The following DNHD1 variants were observed in gnomAD, a reference collection of about 807,000 sequenced individuals.
The protein encoded by DNHD1 is dynein heavy chain domain-containing protein 1.
DNHD1 carries 383 observed loss-of-function variants against 458.1 expected under a neutral mutation model. The observed-to-expected ratio is 0.84, with a 90% CI of 0.77 to 0.91. DNHD1 has a LOEUF of 0.91. Among genes scored for constraint, DNHD1 ranks in the 40% least tolerant of loss-of-function variants. The probability of loss-of-function intolerance (pLI) is 0.00; values close to 1 mark genes in which losing one functional copy is unlikely to be tolerated. For synonymous variants in DNHD1, 2,203 were observed against 2,376.9 expected, an observed-to-expected ratio of 0.93 and a Z score of 2.13; for missense variants, 5,336 against 5,866.1, an observed-to-expected ratio of 0.91 and a Z score of 2.95.
chr11:6,518,232 T>C (rs1852530024), intron 7 of DNHD1, among the ~76,000 whole-genome samples: 1 of 152,160 alleles, frequency 6.6e-6, no homozygotes, highest in Admixed American at 6.5e-5. Context: ...GGCTAATTTT[T>C]TGTATTTTTT....
chr11:6,519,984 TTCTC>T lies in DNHD1; in HGVS notation c.1670_1673del (p.Leu557HisfsTer21). The T allele has an allele frequency of 2.5e-6, 4 of 1,614,176 alleles. No individual in the cohort carries two copies. Among genetic ancestry groups the T allele is most frequent in the Non-Finnish European group, 3.4e-6 (4 of 1,180,012 alleles). On this transcript the variant is annotated frameshift_variant, in exon 9 of 43. Coordinates refer to ENST00000254579, the MANE Select transcript of DNHD1 (RefSeq NM_144666.3). LOFTEE classifies it high-confidence loss of function. ...TTACAGGCCCCAAGGCAGAAACCCT[TTCTC>T]TCATCACAGCTGGTCTTTGATGATC...
chr11:6,542,868 T>G (rs1853127877), intron 18 of DNHD1, among the ~76,000 whole-genome samples: 1 of 152,254 alleles, frequency 6.6e-6, no homozygotes, highest in African/African-American at 2.4e-5. Context: ...TGTATCATGT[T>G]GGCAGACACA....
At position 6,567,321 on chromosome 11, in the gene DNHD1, G is replaced by T; in HGVS notation, c.11812G>T (p.Gly3938Cys). 2 of 1,614,052 alleles carry T rather than the reference G, an allele frequency of 1.2e-6. No individual in the cohort carries two copies. Among genetic ancestry groups the T allele is most frequent in the Non-Finnish European group, 1.7e-6 (2 of 1,179,904 alleles). ...CCAAGTACCCTTGGTGGGTGCATTG[G>T]GCGCTTTGGCTCTGCTGCAAGCAAC... ...LTQVPLVGAL[G>C]ALALLQATGK... Residue 3938 changes from glycine (G) to cysteine (C), a missense_variant, in exon 36 of 43, where the codon GGC becomes TGC. Physicochemically the swap from Gly to Cys is radical, Grantham distance 159. Around this residue, in one of 4 missense-constraint regions of DNHD1, gnomAD observed 695 missense variants for 804.2 expected, o/e 0.86. Transcript: ENST00000254579.
At chr11:6,544,521 AG>A in intron 19 of DNHD1, 52 bp from the exon 20 acceptor site, 1 of 1,440,680 alleles carries the variant, frequency 6.9e-7, no homozygotes, top group Non-Finnish European at 9.5e-7. Context: ...ACTCCCCTGC[AG>A]AAGGTAGAAC....
At chr11:6,527,952 C>A (rs1852743540) in intron 10 of DNHD1, among the ~76,000 whole-genome samples, 1 of 152,222 alleles carries the variant, frequency 6.6e-6, no homozygotes, top group Admixed American at 6.5e-5. Context: ...AGCAACTCCT[C>A]TGTTCTGCAG....
At chr11:6,499,863 G>A (rs944469757) in intron 3 of DNHD1, among the ~76,000 whole-genome samples, 1 of 151,690 alleles carries the variant, frequency 6.6e-6, no homozygotes, top group African/African-American at 2.4e-5. Flanking sequence ...ACTGCGCCCG[G>A]CCCTATTGTT....
Position 6,567,390 on chromosome 11 carries a change from C to G in DNHD1, c.11881C>G (p.Leu3961Val), listed in dbSNP as rs1259652043. The G allele has an allele frequency of 1.9e-6, 3 of 1,613,606 alleles. No homozygotes were observed. The East Asian group carries it at 6.7e-5, about 36-fold the overall frequency. Residue 3961 changes from leucine to valine, a missense_variant, in exon 36 of 43, where the codon CTA becomes GTA. Transcript: ENST00000254579. ...GGAAAGACTGGCACTCTGGCCTGGA[C>G]TAGCAGCCTCTCCCAGCACAGTCCA... is the stretch of plus-strand genomic sequence containing the variant. Reference protein sequence around the residue: ...ELERLALWPGLAASPSTVHSK... With the variant: ...ELERLALWPGVAASPSTVHSK...
rs1853757709 is a variant in DNHD1, at chr11:6,568,332, C to T, written c.12538+90C>T. 6 of 1,551,912 alleles carry T rather than the reference C, an allele frequency of 3.9e-6. No individual in the cohort carries two copies. In the East Asian group the frequency reaches 1.4e-4, roughly 36 times the overall value. ...TCAGGCCTCATGGCCAGTGACCTAG[C>T]ACCAAACTTGTCCACTTGGCCTTGT... On this transcript the variant is annotated intron_variant, in intron 37 of 42. Coordinates refer to ENST00000254579, the MANE Select transcript of DNHD1 (RefSeq NM_144666.3).
At position 6,538,632 on chromosome 11, in the gene DNHD1, G is replaced by A; in HGVS notation, c.3147G>A (p.Gln1049=). 1 of 1,545,716 alleles carries A rather than the reference G, an allele frequency of 6.5e-7. No individual in the cohort carries two copies. Among genetic ancestry groups the A allele is most frequent in the Non-Finnish European group, 8.7e-7 (1 of 1,142,874 alleles). Residue 1049 remains glutamine, a synonymous_variant, in exon 16 of 43, where the codon CAG becomes CAA. Coordinates refer to ENST00000254579, the MANE Select transcript of DNHD1 (RefSeq NM_144666.3). ...AFAKFSPAMA[Q]EKTEGWLTEA... ...TGCAGTTCAGCCCAGCTATGGCCCA[G>A]GAGAAGACAGAGGGCTGGCTGACAG...
chr11:6,554,375 G>GA (rs1853418391), intron 24 of DNHD1, among the ~76,000 whole-genome samples: 1 of 151,846 alleles, frequency 6.6e-6, no homozygotes, highest in Non-Finnish European at 1.5e-5. Context: ...AAAATTTTTA[G>GA]AAAAAAATTG....
chr11:6,558,968 A>G lies in DNHD1; in HGVS notation c.9278A>G (p.His3093Arg). The G allele has an allele frequency of 1.3e-6, 2 of 1,551,474 alleles. No homozygotes were observed. The highest frequency in any genetic ancestry group is 2.4e-5 in the East Asian group (1 of 40,902). The change falls in exon 27 of 43, where the codon CAC (histidine) becomes CGC (arginine). Residue 3093 changes from histidine (H) to arginine (R), a missense_variant. His to Arg is a conservative substitution (Grantham distance 29, BLOSUM62 0). Coordinates refer to ENST00000254579, the MANE Select transcript of DNHD1 (RefSeq NM_144666.3). ...PSVAKAMALI[H>R]LSATHYHEHL... The stretch of plus-strand genomic sequence containing the variant: ...GTGGCCAAAGCCATGGCTCTTATCC[A>G]CCTTTCGGCCACCCACTACCATGAG...
Position 6,546,292 on chromosome 11 carries a change from C to T in DNHD1, c.5353C>T (p.Leu1785Phe). The T allele has an allele frequency of 6.4e-6, 10 of 1,552,426 alleles. No homozygotes were observed. The highest frequency in any genetic ancestry group is 7.8e-6 in the Non-Finnish European group (9 of 1,147,156). Residue 1785 changes from leucine (L) to phenylalanine (F), a missense_variant, in exon 21 of 43, where the codon CTT (leucine) becomes TTT (phenylalanine). By Grantham distance (22) the Leu-to-Phe change is conservative. Transcript: ENST00000254579. ...STIDPTQPQL[L>F]GSSFFEKHHV... is the part of the protein sequence containing the mutation. ...CATAGACCCCACCCAGCCCCAGCTC[C>T]TTGGCAGTAGCTTCTTTGAAAAACA...
intron 10 of DNHD1, among the ~76,000 whole-genome samples, chr11:6,526,397 G>A (rs1852712329): frequency 6.6e-6 from 1 of 151,692 alleles, no homozygotes; most frequent in South Asian, 2.1e-4. Flanking sequence ...TTTTGCTCTG[G>A]TTTTTGACAT....
rs149040105 is a variant in DNHD1 at position 6,568,453 on chromosome 11, G to A, written c.12539-1G>A. 2.4e-4 allele frequency: 393 copies of A among 1,613,310 alleles called. No individual in the cohort carries two copies. In the African/African-American group the frequency reaches 4.2e-3, roughly 17 times the overall value. On this transcript the variant is annotated splice_acceptor_variant, in intron 37 of 42. Coordinates refer to ENST00000254579, the MANE Select transcript of DNHD1 (RefSeq NM_144666.3). LOFTEE classifies it high-confidence loss of function. ...GATCTCAGACCCTTGTCTGACTCTA[G>A]TGGTTGCAGACCTGGAATCAGAACA...
intron 12 of DNHD1, 89 bp downstream of exon 12, chr11:6,529,210 A>G: frequency 7.0e-7 from 1 of 1,425,888 alleles, no homozygotes; most frequent in East Asian, 2.5e-5. Context: ...TCCTCCGGAG[A>G]CCTTCGGTGC....
In DNHD1 at chr11:6,498,777, T is replaced by C. The variant is rs1852083809; in HGVS notation, c.562T>C (p.Leu188=). The part of the protein sequence containing the change: ...KEELATWLRP[L]TLPELQRCLG... ...GGAGCTGGCCACCTGGCTGCGACCA[T>C]TGACACTGCCTGAGCTACAGCGCTG... The change falls in exon 3 of 43, where the codon TTG becomes CTG. Residue 188 remains leucine, a synonymous_variant. Transcript: ENST00000254579. The C allele has an allele frequency of 1.2e-6, 2 of 1,614,236 alleles. No homozygotes were observed. Among genetic ancestry groups the C allele is most frequent in the East Asian group, 2.2e-5 (1 of 44,892 alleles).
At position 6,533,940 on chromosome 11, in the gene DNHD1, C is replaced by G. The variant is rs1291387784; in HGVS notation, c.2765C>G (p.Ala922Gly). The change falls in exon 14 of 43, where the codon GCT (alanine) becomes GGT (glycine). Residue 922 changes from alanine (A) to glycine (G), a missense_variant. Ala to Gly is a moderately conservative substitution (Grantham distance 60). Transcript: ENST00000254579. ...WEAFQFEKSQASEFLLSKRHA... is the reference protein window; with the variant it reads ...WEAFQFEKSQGSEFLLSKRHA... Reference sequence around the variant, plus strand: ...GCATTTCAGTTTGAGAAAAGCCAGGCTTCAGAGTTCCTGCTCAGCAAGCGA... The same window carrying G: ...GCATTTCAGTTTGAGAAAAGCCAGGGTTCAGAGTTCCTGCTCAGCAAGCGA... 1.3e-6 allele frequency: 2 copies of G among 1,551,270 alleles called. No individual in the cohort carries two copies. The highest frequency in any genetic ancestry group is 2.7e-5 in the African/African-American group (2 of 72,926).
At chr11:6,514,732 T>C (rs994355550) in intron 7 of DNHD1, among the ~76,000 whole-genome samples, 1 of 152,210 alleles carries the variant, frequency 6.6e-6, no homozygotes, top group Non-Finnish European at 1.5e-5. Context: ...ATGTATACAT[T>C]ATTTTCTAAA....
Position 6,538,543 on chromosome 11 carries a change from G to A in DNHD1, c.3126+33G>A, listed in dbSNP as rs761323027. On this transcript the variant is annotated intron_variant, in intron 15 of 42. Coordinates refer to ENST00000254579, the MANE Select transcript of DNHD1 (RefSeq NM_144666.3). ...CACCCTTCCTTGGAGCTCTTGACTG[G>A]GAGTGGAGGACTACAGTGGTGGGGG... The A allele has an allele frequency of 1.9e-6, 3 of 1,551,724 alleles. No homozygotes were observed. In the South Asian group the frequency reaches 3.6e-5, roughly 18 times the overall value.
Sources: gnomAD v4.1 joint callset for allele counts (sites outside exome capture counted in the v4.1 genomes callset) on GRCh38, gnomAD v4.1.1 for gene constraint, gnomAD v4.1.1 regional missense constraint, MANE v1.5 for transcripts, NCBI Gene and HGNC (gene_info 2026-07-23, HGNC 2026-07-21) for gene names.